Variants in SCYL3 observed in about 807,000 individuals in gnomAD.
SCYL3 encodes the protein SCY1 like pseudokinase 3, also known as protein-associating with the carboxyl-terminal domain of ezrin.
A neutral mutation model predicts 73.8 loss-of-function variants in SCYL3; 35 were observed. The ratio of observed to expected loss-of-function variants is 0.47; its 90% CI spans 0.36 to 0.63. The LOEUF is 0.63. Among genes scored for constraint, SCYL3 ranks in the 20% least tolerant of loss-of-function variants. The probability of loss-of-function intolerance (pLI) is 0.00; values close to 1 mark genes in which losing one functional copy is unlikely to be tolerated. For synonymous variants in SCYL3, 277 were observed against 295.2 expected, an observed-to-expected ratio of 0.94 and a Z score of 0.63; for missense variants, 712 against 798.9, an observed-to-expected ratio of 0.89 and a Z score of 1.31.
chr1:169,887,584 C>T (rs916967113), intron 2 of SCYL3, among the ~76,000 whole-genome samples: 14 of 151,958 alleles, frequency 9.2e-5, no homozygotes, highest in African/African-American at 3.4e-4. Context: ...TTTGTAAAAT[C>T]ACAATAAAAA....
chr1:169,880,070 C>A (rs1004969828), intron 2 of SCYL3, among the ~76,000 whole-genome samples: 1 of 151,930 alleles, frequency 6.6e-6, no homozygotes, highest in South Asian at 2.1e-4. Flanking sequence ...GAGTTCAAGA[C>A]CAGCCTGGGC....
chr1:169,869,267 AC>A, intron 6 of SCYL3: 1 of 514,164 alleles, frequency 1.9e-6, no homozygotes, highest in South Asian at 2.2e-5. Flanking sequence ...TCCCTTCTAT[AC>A]CCTCTCATTT....
intron 5 of SCYL3, among the ~76,000 whole-genome samples, chr1:169,871,439 C>A (rs1426157873): frequency 2.6e-5 from 4 of 152,200 alleles, no homozygotes; most frequent in Non-Finnish European, 2.9e-5. Flanking sequence ...TTTTAAGGAA[C>A]TCCCCAGCCA....
intron 2 of SCYL3, 136 bp from the exon 3 acceptor site, chr1:169,878,955 C>T (rs1332081384): frequency 9.2e-6 from 6 of 651,268 alleles, no homozygotes; most frequent in Non-Finnish European, 1.6e-5. Context: ...CCTCCCTACC[C>T]ACTATATTTC....
In SCYL3 at chr1:169,875,949, T is replaced by C. The variant is rs1305314991; in HGVS notation, c.465+29A>G. The C allele has an allele frequency of 2.7e-6, 4 of 1,473,168 alleles. No individual in the cohort carries two copies. In the Admixed American group the frequency reaches 5.7e-5, roughly 21 times the overall value. The allele number at this position is 1,473,168 out of a possible 1,614,324, so 91.3% of individuals were successfully genotyped here. ...TACCAAGACGCTATTAAAAACCAAG[T>C]AAGGAAGGGGGGCTGTCCCCTGGCT... On this transcript the variant is annotated intron_variant, in intron 4 of 12. Coordinates refer to ENST00000367771, the MANE Select transcript of SCYL3 (RefSeq NM_020423.7).
intron 3 of SCYL3, 131 bp from the exon 4 acceptor site, chr1:169,876,222 T>G (rs1660793809): frequency 4.2e-6 from 2 of 473,976 alleles, no homozygotes; most frequent in East Asian, 7.0e-5. Context: ...ACCAAAAAAA[T>G]TATGACAAGC....
At position 169,851,778 on chromosome 1, in the gene SCYL3, C is replaced by A; in HGVS notation, c.*1935G>T. 1 of 1,604,614 alleles carries A rather than the reference C, an allele frequency of 6.2e-7. No individual in the cohort carries two copies. The highest frequency in any genetic ancestry group is 1.7e-4 in the Middle Eastern group (1 of 6,008). On this transcript the variant is annotated 3_prime_UTR_variant, in exon 13 of 13. Coordinates refer to ENST00000367771, the MANE Select transcript of SCYL3 (RefSeq NM_020423.7). ...CATTTCATATCTAGTAGAGTGCTAACATGTTGCTATTTGCTTGGTTTTTCA... is the reference window on the plus strand; with the variant it reads ...CATTTCATATCTAGTAGAGTGCTAAAATGTTGCTATTTGCTTGGTTTTTCA...
intron 9 of SCYL3, among the ~76,000 whole-genome samples, chr1:169,863,743 T>C (rs1659829486): frequency 6.6e-6 from 1 of 152,188 alleles, no homozygotes; most frequent in South Asian, 2.1e-4. Context: ...CTAAAGAGAA[T>C]GGTATCAAAG....
chr1:169,884,485 A>G (rs1382977057), intron 2 of SCYL3, among the ~76,000 whole-genome samples: 1 of 151,788 alleles, frequency 6.6e-6, no homozygotes, highest in Non-Finnish European at 1.5e-5. Context: ...TTTAGTAGAG[A>G]TGGGGTTTCA....
At chr1:169,887,346 T>C (rs1028558442) in intron 2 of SCYL3, among the ~76,000 whole-genome samples, 1 of 152,154 alleles carries the variant, frequency 6.6e-6, no homozygotes, top group African/African-American at 2.4e-5. Context: ...GTTTTTTCCT[T>C]TAAAAACTCG....
At chr1:169,864,777 T>C (rs993581565) in intron 8 of SCYL3, among the ~76,000 whole-genome samples, 1 of 151,976 alleles carries the variant, frequency 6.6e-6, no homozygotes, top group Non-Finnish European at 1.5e-5. Flanking sequence ...TTGGCCAACA[T>C]GGTGAAACCC....
At chr1:169,870,660 A>G (rs1441025991) in intron 5 of SCYL3, among the ~76,000 whole-genome samples, 1 of 152,220 alleles carries the variant, frequency 6.6e-6, no homozygotes, top group Non-Finnish European at 1.5e-5. Context: ...TACTATACAT[A>G]CACGTGCATA....
intron 9 of SCYL3, among the ~76,000 whole-genome samples, chr1:169,863,326 A>G (rs961190365): frequency 6.6e-6 from 1 of 152,256 alleles, no homozygotes; most frequent in African/African-American, 2.4e-5. Flanking sequence ...TTGAAATACT[A>G]GAGATCATAG....
intron 8 of SCYL3, among the ~76,000 whole-genome samples, chr1:169,866,483 G>A (rs960338881): frequency 6.6e-6 from 1 of 152,236 alleles, no homozygotes; most frequent in South Asian, 2.1e-4. Context: ...CCACATGCAA[G>A]GTGTACCTCC....
At chr1:169,881,889 A>T (rs1461661441) in intron 2 of SCYL3, among the ~76,000 whole-genome samples, 1 of 152,198 alleles carries the variant, frequency 6.6e-6, no homozygotes, top group African/African-American at 2.4e-5. Context: ...TTGCATACAC[A>T]GTTCACAATA....
At chr1:169,864,240 G>T in intron 9 of SCYL3, 129 bp downstream of exon 9, 2 of 1,209,738 alleles carry the variant, frequency 1.7e-6, no homozygotes, top group Non-Finnish European at 2.4e-6. Flanking sequence ...CACATCAGGG[G>T]CCAACAATTG....
intron 1 of SCYL3, among the ~76,000 whole-genome samples, chr1:169,892,924 T>G (rs1662186097): frequency 6.6e-6 from 1 of 152,204 alleles, no homozygotes. Context: ...GCTTGCACTC[T>G]GAGTATTAAG....
intron 3 of SCYL3, among the ~76,000 whole-genome samples, chr1:169,876,436 A>G (rs375459383): frequency 1.7e-4 from 26 of 152,366 alleles, no homozygotes; most frequent in African/African-American, 6.3e-4. Flanking sequence ...GTTCTTAAAC[A>G]TACATTTACA....
chr1:169,881,371 G>T (rs1022895622), intron 2 of SCYL3, among the ~76,000 whole-genome samples: 1 of 152,126 alleles, frequency 6.6e-6, no homozygotes, highest in Non-Finnish European at 1.5e-5. Flanking sequence ...AATTTGTAAA[G>T]ATCAAATCAA....
Sources: gnomAD v4.1 joint callset for allele counts (sites outside exome capture counted in the v4.1 genomes callset) on GRCh38, gnomAD v4.1.1 for gene constraint, MANE v1.5 for transcripts, NCBI Gene and HGNC (gene_info 2026-07-23, HGNC 2026-07-21) for gene names.